The following GFRA1 variants were observed in gnomAD, a reference collection of about 807,000 sequenced individuals.
GFRA1 encodes GDNF family receptor alpha-1.
In GFRA1, 16 loss-of-function variants were observed where a neutral mutation model predicts 51.6. The ratio of observed to expected loss-of-function variants is 0.31; its 90% confidence interval spans 0.21 to 0.47. The LOEUF (loss-of-function observed/expected upper bound fraction) is 0.47. GFRA1 is among the 20% of genes least tolerant of loss of function. The probability of loss-of-function intolerance (pLI) is 1.00; values close to 1 mark genes in which losing one functional copy is unlikely to be tolerated. For missense variants in GFRA1, 530 were observed against 594.3 expected, an observed-to-expected ratio of 0.89 and a Z score of 1.13; for synonymous variants, 270 against 241.3, an observed-to-expected ratio of 1.12 and a Z score of -1.10.
intron 5 of GFRA1, among the ~76,000 whole-genome samples, chr10:116,191,051 A>G (rs1963214695): frequency 6.6e-6 from 1 of 152,232 alleles, no homozygotes; most frequent in African/African-American, 2.4e-5. Flanking sequence ...GCCTGGTGCA[A>G]GGCAGTTTGG....
chr10:116,240,115 A>T (rs1431717987), intron 4 of GFRA1, among the ~76,000 whole-genome samples: 2 of 152,182 alleles, frequency 1.3e-5, no homozygotes, highest in African/African-American at 2.4e-5. Flanking sequence ...TATCTGGTTC[A>T]TCAAGCCACC....
At chr10:116,191,510 A>G (rs1963264051) in intron 5 of GFRA1, among the ~76,000 whole-genome samples, 1 of 152,190 alleles carries the variant, frequency 6.6e-6, no homozygotes, top group South Asian at 2.1e-4. Flanking sequence ...CATCACACAG[A>G]CTGACTTAAT....
intron 4 of GFRA1, among the ~76,000 whole-genome samples, chr10:116,212,565 C>T (rs1054009897): frequency 7.4e-6 from 1 of 134,980 alleles, no homozygotes; most frequent in South Asian, 2.4e-4. Context: ...CACACACACA[C>T]ATCTAGTTAA....
At chr10:116,132,798 GGA>G (rs1341740154) in intron 5 of GFRA1, among the ~76,000 whole-genome samples, 4 of 152,142 alleles carry the variant, frequency 2.6e-5, no homozygotes, top group Non-Finnish European at 5.9e-5. Flanking sequence ...GAGGGCACAG[GGA>G]GGAGAGGGGA....
chr10:116,161,352 ATTCTCATT>A lies in GFRA1; in HGVS notation c.434-35803_434-35796del, dbSNP rs142929499. On this transcript the variant is annotated intron_variant, in intron 5 of 10. Coordinates refer to ENST00000355422, the MANE Select transcript of GFRA1 (RefSeq NM_005264.8). ...CAGTTTCTAACTCCCAAATATGGAGATTCTCATTTATGATGAGGACCACCATGTTCTGC... is the reference window on the plus strand; with the variant it reads ...CAGTTTCTAACTCCCAAATATGGAGATATGATGAGGACCACCATGTTCTGC... Among the ~76,000 whole-genome samples, 810 of 152,234 alleles carry A rather than the reference ATTCTCATT, an allele frequency of 5.3e-3. 5 individuals carry two copies. The highest frequency in any genetic ancestry group is 0.018 in the African/African-American group (767 of 41,536).
chr10:116,147,402 G>A (rs1300740633), intron 5 of GFRA1, among the ~76,000 whole-genome samples: 1 of 152,102 alleles, frequency 6.6e-6, no homozygotes, highest in African/African-American at 2.4e-5. Flanking sequence ...TGGAGCTGGT[G>A]GTTCACACTG....
chr10:116,192,511 G>A (rs559557500), intron 5 of GFRA1, among the ~76,000 whole-genome samples: 2 of 152,298 alleles, frequency 1.3e-5, no homozygotes, highest in Admixed American at 6.5e-5. Context: ...GGTGAAGGGT[G>A]AATGAATCGT....
chr10:116,265,819 C>G (rs1220127338), intron 4 of GFRA1, among the ~76,000 whole-genome samples: 1 of 152,050 alleles, frequency 6.6e-6, no homozygotes, highest in Non-Finnish European at 1.5e-5. Flanking sequence ...TGTGTCCTCC[C>G]GCTCGCTTCA....
intron 9 of GFRA1, among the ~76,000 whole-genome samples, chr10:116,074,259 C>T (rs999181452): frequency 1.3e-5 from 2 of 152,138 alleles, no homozygotes; most frequent in Non-Finnish European, 2.9e-5. Flanking sequence ...GTCACTCTGA[C>T]TCTAAAAATC....
At chr10:116,271,182 G>T (rs905951791) in intron 2 of GFRA1, 67 bp from the exon 3 acceptor site, 4 of 1,400,842 alleles carry the variant, frequency 2.9e-6, no homozygotes, top group Non-Finnish European at 2.9e-6. Flanking sequence ...TGCTCCGGGC[G>T]AGGGCGCGCG....
At chr10:116,212,523 AACACACACACACACACACAC>A (rs71010072) in intron 4 of GFRA1, among the ~76,000 whole-genome samples, 2 of 142,608 alleles carry the variant, frequency 1.4e-5, no homozygotes, top group Admixed American at 1.4e-4. Flanking sequence ...TCCGTCTCAA[AACACACACACACACACACAC>A]ACACACACAC....
At chr10:116,241,433 C>T (rs2420255) in intron 4 of GFRA1, among the ~76,000 whole-genome samples, 41,289 of 152,082 alleles carry the variant, frequency 0.27, 5,711 homozygotes, top group East Asian at 0.35. Context: ...CATAAAAATG[C>T]GTGGTCTCAG....
chr10:116,194,844 A>G (rs1417340377), intron 5 of GFRA1, among the ~76,000 whole-genome samples: 1 of 152,198 alleles, frequency 6.6e-6, no homozygotes, highest in South Asian at 2.1e-4. Context: ...ATTTCCACTC[A>G]TTATGACTTC....
At chr10:116,146,961 C>A (rs1486574462) in intron 5 of GFRA1, among the ~76,000 whole-genome samples, 1 of 152,084 alleles carries the variant, frequency 6.6e-6, no homozygotes, top group African/African-American at 2.4e-5. Context: ...ATTAGCTTCA[C>A]AGGAAATACA....
chr10:116,232,080 C>CA (rs1254341963), intron 4 of GFRA1, among the ~76,000 whole-genome samples: 1 of 152,154 alleles, frequency 6.6e-6, no homozygotes, highest in Admixed American at 6.5e-5. Flanking sequence ...TTCTCTCCAA[C>CA]AAAAAATCTG....
chr10:116,066,159 T>C (rs1955102691), intron 9 of GFRA1, among the ~76,000 whole-genome samples: 1 of 152,166 alleles, frequency 6.6e-6, no homozygotes, highest in Admixed American at 6.5e-5. Context: ...ATTGCTTCAG[T>C]CAACAAACCC....
chr10:116,154,871 C>T (rs1959170903), intron 5 of GFRA1, among the ~76,000 whole-genome samples: 1 of 152,100 alleles, frequency 6.6e-6, no homozygotes, highest in African/African-American at 2.4e-5. Context: ...GGTCTCTGTG[C>T]CTCTGTGCTC....
At chr10:116,087,827 C>T (rs762693385) in intron 9 of GFRA1, among the ~76,000 whole-genome samples, 12 of 152,182 alleles carry the variant, frequency 7.9e-5, no homozygotes, top group Non-Finnish European at 1.6e-4. Flanking sequence ...CTGCTTTCAA[C>T]TCGCTGGAGG....
chr10:116,070,759 CTTTTTTTT>C (rs773344299), intron 9 of GFRA1, among the ~76,000 whole-genome samples: 5 of 97,750 alleles, frequency 5.1e-5, no homozygotes, highest in Non-Finnish European at 7.9e-5. Context: ...AGTCTGGAGC[CTTTTTTTT>C]TTTTTTTTTT....
Sources: allele counts gnomAD v4.1 joint callset (sites outside exome capture counted in the v4.1 genomes callset), GRCh38; gene constraint gnomAD v4.1.1; transcripts MANE v1.5; gene names NCBI Gene and HGNC (gene_info 2026-07-23, HGNC 2026-07-21).